SYNJ2BP: variants seen among roughly 807,000 people sequenced by gnomAD.
The protein encoded by SYNJ2BP is synaptojanin-2-binding protein.
A neutral mutation model predicts 16.9 loss-of-function variants in SYNJ2BP; 10 were observed. The ratio of observed to expected loss-of-function variants is 0.59; its 90% CI spans 0.36 to 1.00. The LOEUF (loss-of-function observed/expected upper bound fraction) is 1.00, where lower values mean the gene tolerates loss of function less well. SYNJ2BP is among the 50% of genes least tolerant of loss of function. SYNJ2BP has a pLI of 0.01. For missense variants in SYNJ2BP, 162 were observed against 186.7 expected (o/e 0.87, Z 0.77); for synonymous variants, 54 against 68.4 (o/e 0.79, Z 1.04).
At chr14:70,376,880 C>G (rs927784971) in intron 2 of SYNJ2BP, among the ~76,000 whole-genome samples, 2 of 152,190 alleles carry the variant, frequency 1.3e-5, no homozygotes, top group African/African-American at 2.4e-5. Flanking sequence ...AAGTCACTCC[C>G]TTACTCAACT....
intron 1 of SYNJ2BP, among the ~76,000 whole-genome samples, chr14:70,396,620 A>T (rs1433689166): frequency 6.6e-6 from 1 of 151,242 alleles, no homozygotes; most frequent in East Asian, 1.9e-4. Context: ...ATATATGTAT[A>T]TTTATATATA....
chr14:70,396,810 G>C (rs766560570), intron 1 of SYNJ2BP, among the ~76,000 whole-genome samples: 6 of 152,000 alleles, frequency 3.9e-5, no homozygotes, highest in Non-Finnish European at 7.4e-5. Context: ...TGTCTACTCA[G>C]GTCCTTTGCT....
chr14:70,372,806 A>C lies in SYNJ2BP; in HGVS notation c.*185T>G. On this transcript the variant is annotated 3_prime_UTR_variant, in exon 4 of 4. Transcript: ENST00000256366. ...CAAGTCTTTTCTTCAGTTTTCCTTC[A>C]AACAATACCTTTACTTTCCCATTAG... The C allele has an allele frequency of 1.1e-6, 1 of 874,662 alleles. No individual in the cohort carries two copies. Among genetic ancestry groups the C allele is most frequent in the Non-Finnish European group, 1.7e-6 (1 of 592,304 alleles). 54.2% of individuals were successfully genotyped at this position (874,662 alleles called of 1,614,324 possible). A position where few individuals can be genotyped will look rare whatever the true frequency, so the allele number is the denominator to read the frequency against.
At chr14:70,388,674 G>A in intron 1 of SYNJ2BP, 68 bp from the exon 2 acceptor site, 2 of 1,408,784 alleles carry the variant, frequency 1.4e-6, no homozygotes, top group Non-Finnish European at 9.3e-7. Context: ...AGAAGATGAA[G>A]AGAAAGGGAG....
At chr14:70,397,918 C>T (rs1451635819) in intron 1 of SYNJ2BP, among the ~76,000 whole-genome samples, 1 of 152,190 alleles carries the variant, frequency 6.6e-6, no homozygotes, top group Non-Finnish European at 1.5e-5. Flanking sequence ...CAGAACAGCT[C>T]AGAGGGGACC....
At chr14:70,401,493 GC>G (rs1328442212) in intron 1 of SYNJ2BP, among the ~76,000 whole-genome samples, 6 of 137,840 alleles carry the variant, frequency 4.4e-5, no homozygotes, top group African/African-American at 1.6e-4. Flanking sequence ...AGGACTTTCT[GC>G]TTTTTTCCTC....
chr14:70,391,867 T>C lies in SYNJ2BP; in HGVS notation c.65-3261A>G, dbSNP rs75569254. On this transcript the variant is annotated intron_variant, in intron 1 of 3. Coordinates refer to ENST00000256366, the MANE Select transcript of SYNJ2BP (RefSeq NM_018373.3). ...CTTCTGTTGTAAATGAACCAAACTA[T>C]TTAACATGAGAACTCCTGGACTGAC... 9.4e-3 allele frequency among the ~76,000 whole-genome samples: 1,435 copies of C among 152,310 alleles called. 26 individuals carry two copies. Among genetic ancestry groups the C allele is most frequent in the African/African-American group, 0.032 (1,342 of 41,560 alleles).
In SYNJ2BP at chr14:70,370,603, C is replaced by T. The variant is rs554832064; in HGVS notation, c.*2388G>A. 4 of 152,232 alleles carry T rather than the reference C, an allele frequency of 2.6e-5. No individual in the cohort carries two copies. The East Asian group carries it at 7.7e-4, about 29-fold the overall frequency. 9.4% of individuals were successfully genotyped at this position (152,232 alleles called of 1,614,324 possible). ...CTTCCCTTTCCAATTGAGCCTGATG[C>T]CATTATGTGACATCTTTTTTTCCCT... On this transcript the variant is annotated 3_prime_UTR_variant, in exon 4 of 4. Transcript: ENST00000256366.
chr14:70,392,786 C>T (rs1332358916), intron 1 of SYNJ2BP, among the ~76,000 whole-genome samples: 1 of 152,164 alleles, frequency 6.6e-6, no homozygotes. Context: ...AACTCTGCGG[C>T]AATCATCCAG....
At chr14:70,373,447 G>A (rs1469388717) in intron 3 of SYNJ2BP, among the ~76,000 whole-genome samples, 1 of 152,144 alleles carries the variant, frequency 6.6e-6, no homozygotes, top group Non-Finnish European at 1.5e-5. Context: ...GGAAAATGAA[G>A]ACATGAGATA....
In SYNJ2BP at chr14:70,366,544, G is replaced by A. The variant is rs920578656; in HGVS notation, c.*6447C>T. On this transcript the variant is annotated 3_prime_UTR_variant, in exon 4 of 4. Transcript: ENST00000256366. ...TTTATTAAATACCAATACTGGCTAG[G>A]CACAATTAGACACATTATTATCTCA... 3 of 152,056 alleles carry A rather than the reference G, an allele frequency of 2.0e-5. No individual in the cohort carries two copies. The highest frequency in any genetic ancestry group is 4.4e-5 in the Non-Finnish European group (3 of 68,008). 9.4% of individuals were successfully genotyped at this position (152,056 alleles called of 1,614,324 possible).
intron 1 of SYNJ2BP, among the ~76,000 whole-genome samples, chr14:70,390,667 C>CAA (rs11446063): frequency 3.3e-4 from 46 of 138,336 alleles, no homozygotes; most frequent in East Asian, 2.8e-3. Context: ...GACTCCATCT[C>CAA]AAAAAAAAAA....
At chr14:70,416,010 A>G (rs1428518229) in intron 1 of SYNJ2BP, among the ~76,000 whole-genome samples, 2 of 152,244 alleles carry the variant, frequency 1.3e-5, no homozygotes, top group East Asian at 1.9e-4. Flanking sequence ...AAGTTAGCCA[A>G]TAAGTATCAA....
intron 2 of SYNJ2BP, among the ~76,000 whole-genome samples, chr14:70,385,274 T>C (rs1404713194): frequency 1.3e-5 from 2 of 152,182 alleles, no homozygotes; most frequent in Non-Finnish European, 2.9e-5. Context: ...ATAATCTTCT[T>C]TACATTGAGG....
In SYNJ2BP at chr14:70,373,050, C is replaced by T; in HGVS notation, c.379G>A (p.Val127Met). The change falls in exon 4 of 4, where the codon GTG becomes ATG. Residue 127 changes from valine to methionine, a missense_variant. Transcript: ENST00000256366. ...GCTGCTACCATGGTGAGGGCAAACA[C>T]TGGCACCAGCACCATAAATATGGGA... ...GIPIFMVLVP[V>M]FALTMVAAWA... 1 of 1,614,156 alleles carries T rather than the reference C, an allele frequency of 6.2e-7. No individual in the cohort carries two copies. The highest frequency in any genetic ancestry group is 2.2e-5 in the East Asian group (1 of 44,888).
intron 1 of SYNJ2BP, among the ~76,000 whole-genome samples, chr14:70,396,242 T>C (rs1594953132): frequency 6.6e-6 from 1 of 152,144 alleles, no homozygotes; most frequent in Admixed American, 6.5e-5. Context: ...CTCAGCCTCC[T>C]GAGTAACTGG....
intron 1 of SYNJ2BP, among the ~76,000 whole-genome samples, chr14:70,397,107 A>C (rs1048148393): frequency 9.2e-5 from 14 of 152,194 alleles, no homozygotes; most frequent in African/African-American, 3.1e-4. Context: ...TTATGGTTTT[A>C]GCTCTTACAT....
At chr14:70,386,835 T>A (rs1415752574) in intron 2 of SYNJ2BP, among the ~76,000 whole-genome samples, 1 of 152,168 alleles carries the variant, frequency 6.6e-6, no homozygotes, top group Non-Finnish European at 1.5e-5. Flanking sequence ...TAGCAAAAAA[T>A]TTTTAAGGGA....
At chr14:70,415,851 C>G (rs1888594544) in intron 1 of SYNJ2BP, among the ~76,000 whole-genome samples, 1 of 152,128 alleles carries the variant, frequency 6.6e-6, no homozygotes, top group Admixed American at 6.5e-5. Flanking sequence ...TTAACAGTAA[C>G]AATAGTAGGA....
Sources: allele counts gnomAD v4.1 joint callset (sites outside exome capture counted in the v4.1 genomes callset), GRCh38; gene constraint gnomAD v4.1.1; transcripts MANE v1.5; gene names NCBI Gene and HGNC (gene_info 2026-07-23, HGNC 2026-07-21).